Variants in ANKS1B observed in about 807,000 individuals in gnomAD.
ANKS1B encodes ankyrin repeat and sterile alpha motif domain-containing protein 1B.
ANKS1B carries 36 observed loss-of-function variants against 148.3 expected under a neutral mutation model. The ratio of observed to expected loss-of-function variants is 0.24; its 90% CI spans 0.19 to 0.32. The LOEUF is 0.32. Among genes scored for constraint, ANKS1B ranks in the 10% least tolerant of loss-of-function variants. The pLI, the probability that ANKS1B is intolerant of heterozygous loss-of-function variation, is 1.00. For synonymous variants in ANKS1B, 542 were observed against 560.8 expected (o/e 0.97, Z 0.47); for missense variants, 1,157 against 1,542.6 (o/e 0.75, Z 4.19).
chr12:99,285,047 C>G (rs1466031063), intron 12 of ANKS1B, among the ~76,000 whole-genome samples: 1 of 152,164 alleles, frequency 6.6e-6, no homozygotes, highest in South Asian at 2.1e-4. Flanking sequence ...AATATAACCA[C>G]AATCAACAAA....
intron 17 of ANKS1B, among the ~76,000 whole-genome samples, chr12:99,006,980 C>T (rs777325009): frequency 2.3e-4 from 35 of 152,270 alleles, no homozygotes; most frequent in Admixed American, 3.3e-4. Flanking sequence ...TAAGCTATGC[C>T]ACTTCTCAAC....
intron 10 of ANKS1B, among the ~76,000 whole-genome samples, chr12:99,471,670 A>G (rs1567169527): frequency 1.3e-5 from 2 of 151,826 alleles, no homozygotes; most frequent in Non-Finnish European, 2.9e-5. Context: ...ACACACACAC[A>G]TACACACGCT....
intron 1 of ANKS1B, among the ~76,000 whole-genome samples, chr12:99,924,748 C>T (rs2094445420): frequency 6.6e-6 from 1 of 152,116 alleles, no homozygotes; most frequent in South Asian, 2.1e-4. Flanking sequence ...GAGGGCCCTA[C>T]CAGACACTTC....
intron 15 of ANKS1B, among the ~76,000 whole-genome samples, chr12:99,097,962 T>C (rs778577098): frequency 1.3e-5 from 2 of 152,170 alleles, no homozygotes; most frequent in Non-Finnish European, 2.9e-5. Flanking sequence ...TATTGAGAGG[T>C]GCACTTACAT....
At chr12:99,606,995 A>G (rs2097856053) in intron 9 of ANKS1B, among the ~76,000 whole-genome samples, 3 of 152,248 alleles carry the variant, frequency 2.0e-5, no homozygotes, top group African/African-American at 7.2e-5. Flanking sequence ...GGCAAGGTCC[A>G]TATGGATGGT....
At chr12:99,506,108 G>A (rs1053351137) in intron 9 of ANKS1B, among the ~76,000 whole-genome samples, 1 of 151,914 alleles carries the variant, frequency 6.6e-6, no homozygotes. Flanking sequence ...TCTGATGTAC[G>A]GTTTCTACTG....
chr12:99,620,140 C>T (rs2098028614), intron 9 of ANKS1B, among the ~76,000 whole-genome samples: 1 of 152,048 alleles, frequency 6.6e-6, no homozygotes, highest in African/African-American at 2.4e-5. Context: ...GAAGCAAAGC[C>T]AAAACACCCT....
intron 9 of ANKS1B, among the ~76,000 whole-genome samples, chr12:99,593,158 C>A (rs1042884972): frequency 2.0e-5 from 3 of 152,018 alleles, no homozygotes; most frequent in African/African-American, 7.2e-5. Context: ...CATCCCTCAA[C>A]CCCCATCATG....
chr12:99,036,656 G>C (rs1395142658), intron 17 of ANKS1B, among the ~76,000 whole-genome samples: 1 of 152,180 alleles, frequency 6.6e-6, no homozygotes, highest in Non-Finnish European at 1.5e-5. Flanking sequence ...AGGATAATTT[G>C]ATATTTGTGA....
chr12:98,813,531 TG>T (rs1328334561), intron 19 of ANKS1B, among the ~76,000 whole-genome samples: 2 of 150,736 alleles, frequency 1.3e-5, no homozygotes, highest in Non-Finnish European at 3.0e-5. Flanking sequence ...ATTTAAGTTT[TG>T]TTTTTTTTTT....
intron 16 of ANKS1B, among the ~76,000 whole-genome samples, chr12:99,060,698 CACATAT>C (rs1453560928): frequency 9.5e-5 from 4 of 42,070 alleles, no homozygotes; most frequent in African/African-American, 2.7e-4. Context: ...CACACACACA[CACATAT>C]ATATAGAGAG....
intron 14 of ANKS1B, among the ~76,000 whole-genome samples, chr12:99,159,107 G>T (rs908418707): frequency 6.6e-6 from 1 of 152,096 alleles, no homozygotes; most frequent in African/African-American, 2.4e-5. Context: ...AAGACCAGAG[G>T]CTATCATTCT....
At chr12:99,293,923 G>A (rs2080438860) in intron 12 of ANKS1B, among the ~76,000 whole-genome samples, 2 of 152,288 alleles carry the variant, frequency 1.3e-5, no homozygotes, top group South Asian at 4.1e-4. Context: ...TATGTGAAAA[G>A]ATACTCAACA....
At chr12:98,949,241 C>T (rs552559521) in intron 17 of ANKS1B, among the ~76,000 whole-genome samples, 69 of 152,014 alleles carry the variant, frequency 4.5e-4, no homozygotes, top group Non-Finnish European at 7.2e-4. Flanking sequence ...CACGAGCCAC[C>T]GCACACGGCC....
chr12:99,304,512 G>C (rs898308950), intron 12 of ANKS1B, among the ~76,000 whole-genome samples: 1 of 152,070 alleles, frequency 6.6e-6, no homozygotes, highest in Non-Finnish European at 1.5e-5. Context: ...CTCAGAGAGC[G>C]TGAGTTAGGA....
chr12:99,931,138 C>T (rs1603464700), intron 1 of ANKS1B, among the ~76,000 whole-genome samples: 1 of 151,356 alleles, frequency 6.6e-6, no homozygotes, highest in South Asian at 2.1e-4. Flanking sequence ...TGGAATTGAA[C>T]AATGAGAACA....
intron 9 of ANKS1B, among the ~76,000 whole-genome samples, chr12:99,557,851 C>T (rs1269021943): frequency 6.6e-6 from 1 of 152,142 alleles, no homozygotes; most frequent in Non-Finnish European, 1.5e-5. Context: ...TTTTATCTCT[C>T]TGATGCCCTT....
At chr12:98,898,236 T>G (rs571794564) in intron 17 of ANKS1B, among the ~76,000 whole-genome samples, 1 of 152,306 alleles carries the variant, frequency 6.6e-6, no homozygotes, top group East Asian at 1.9e-4. Context: ...GCAAAATAAG[T>G]AAATATTACA....
chr12:99,453,154 G>T lies in ANKS1B; in HGVS notation c.1439-9345C>A, dbSNP rs186672701. The stretch of plus-strand genomic sequence containing the variant: ...AAATACAAAAAATTAGCCAGGCGTG[G>T]TGGTGGGTGCCTGTAGTCCCAGCTA... On this transcript the variant is annotated intron_variant, in intron 10 of 26. Coordinates refer to ENST00000683438, the MANE Select transcript of ANKS1B (RefSeq NM_001352186.2). Among the ~76,000 whole-genome samples, 548 of 152,204 alleles carry T rather than the reference G, an allele frequency of 3.6e-3. 6 individuals are homozygous for T. The highest frequency in any genetic ancestry group is 0.011 in the African/African-American group (459 of 41,518).
Sources: allele counts gnomAD v4.1 joint callset (sites outside exome capture counted in the v4.1 genomes callset), GRCh38; gene constraint gnomAD v4.1.1; transcripts MANE v1.5; gene names NCBI Gene and HGNC (gene_info 2026-07-23, HGNC 2026-07-21).